Variants in WDHD1 observed in about 807,000 individuals in gnomAD.
WDHD1 encodes the protein WD repeat and HMG-box DNA-binding protein 1.
A neutral mutation model predicts 135.4 loss-of-function variants in WDHD1; 111 were observed. The observed-to-expected ratio is 0.82, with a 90% CI of 0.70 to 0.96. The LOEUF is 0.96. Among genes scored for constraint, WDHD1 ranks in the 40% least tolerant of loss-of-function variants. The pLI, the probability that WDHD1 is intolerant of heterozygous loss-of-function variation, is 0.00. For synonymous variants in WDHD1, 434 were observed against 439.0 expected, an observed-to-expected ratio of 0.99 and a Z score of 0.14; for missense variants, 1,351 against 1,336.3, an observed-to-expected ratio of 1.01 and a Z score of -0.17.
chr14:54,991,069 C>A, intron 12 of WDHD1, 144 bp downstream of exon 12: 2 of 507,812 alleles, frequency 3.9e-6, no homozygotes, highest in South Asian at 4.2e-5. Context: ...TAAAATAAAC[C>A]AACCACAAAA....
At position 54,957,064 on chromosome 14, in the gene WDHD1, CT is replaced by C; in HGVS notation, c.2885del (p.Lys962SerfsTer3). Reference protein sequence around the residue: ...TTNNEKSPIIKPLIPKPKPKQ... With the variant: ...TTNNEKSPIIXPLIPKPKPKQ... ...TAGGCTTCGGCTTTGGAATCAGAGG[CT>C]TTATAATGGGAGACTTTTCATTATT... On this transcript the variant is annotated frameshift_variant, in exon 23 of 26. Transcript: ENST00000360586. LOFTEE classifies it high-confidence loss of function. The C allele has an allele frequency of 6.2e-7, 1 of 1,614,008 alleles. No homozygotes were observed. The highest frequency in any genetic ancestry group is 1.1e-5 in the South Asian group (1 of 91,036).
chr14:55,016,070 G>C (rs1449879687), intron 2 of WDHD1, among the ~76,000 whole-genome samples: 1 of 152,226 alleles, frequency 6.6e-6, no homozygotes, highest in African/African-American at 2.4e-5. Flanking sequence ...CAGTTGGTGG[G>C]ACCAATGGAA....
At position 55,021,011 on chromosome 14, in the gene WDHD1, G is replaced by A. The variant is rs554821178; in HGVS notation, c.77+5700C>T. Among the ~76,000 whole-genome samples, 7 of 152,248 alleles carry A rather than the reference G, an allele frequency of 4.6e-5. No individual in the cohort carries two copies. In the South Asian group the frequency reaches 1.0e-3, roughly 23 times the overall value. Reference sequence around the variant, plus strand: ...CTGACGGGGAACACGAAGAGGAGTTGGTCTTACTGTCTCAGAGGTGGAAGA... The same window carrying A: ...CTGACGGGGAACACGAAGAGGAGTTAGTCTTACTGTCTCAGAGGTGGAAGA... On this transcript the variant is annotated intron_variant, in intron 2 of 25. Coordinates refer to ENST00000360586, the MANE Select transcript of WDHD1 (RefSeq NM_007086.4).
intron 14 of WDHD1, among the ~76,000 whole-genome samples, chr14:54,986,562 A>G (rs895337280): frequency 6.6e-6 from 1 of 152,202 alleles, no homozygotes; most frequent in African/African-American, 2.4e-5. Flanking sequence ...GTAGTAGAGA[A>G]AAAGGGGATA....
chr14:55,013,935 T>A (rs945874711), intron 2 of WDHD1, among the ~76,000 whole-genome samples: 1 of 152,136 alleles, frequency 6.6e-6, no homozygotes, highest in African/African-American at 2.4e-5. Flanking sequence ...CCTAGTTTCA[T>A]ATACATTAGT....
chr14:55,008,227 G>T, intron 6 of WDHD1, 89 bp downstream of exon 6: 1 of 1,276,192 alleles, frequency 7.8e-7, no homozygotes, highest in Non-Finnish European at 1.1e-6. Flanking sequence ...CCAAAGAAAA[G>T]CAATTATTAA....
intron 14 of WDHD1, among the ~76,000 whole-genome samples, chr14:54,985,296 C>T (rs1055289016): frequency 6.6e-6 from 1 of 152,152 alleles, no homozygotes; most frequent in African/African-American, 2.4e-5. Flanking sequence ...TCAGAAGTGA[C>T]CTCTCAGAAA....
At chr14:54,944,552 A>G (rs372982422) in intron 24 of WDHD1, 82 bp from the exon 25 acceptor site, 2 of 1,355,158 alleles carry the variant, frequency 1.5e-6, no homozygotes, top group Non-Finnish European at 2.0e-6. Flanking sequence ...GTAATCAACC[A>G]TAAGTCTCTG....
At chr14:55,012,071 A>G (rs2042179969) in intron 3 of WDHD1, among the ~76,000 whole-genome samples, 1 of 152,008 alleles carries the variant, frequency 6.6e-6, no homozygotes, top group Non-Finnish European at 1.5e-5. Context: ...AGCCCTCACT[A>G]TTACTGGGAT....
At chr14:54,986,431 G>A (rs1268909967) in intron 14 of WDHD1, among the ~76,000 whole-genome samples, 1 of 152,112 alleles carries the variant, frequency 6.6e-6, no homozygotes, top group African/African-American at 2.4e-5. Context: ...GCCTCCCAAA[G>A]TGCTGAGATT....
At chr14:54,996,752 T>C (rs1471206975) in intron 10 of WDHD1, among the ~76,000 whole-genome samples, 1 of 152,126 alleles carries the variant, frequency 6.6e-6, no homozygotes, top group Non-Finnish European at 1.5e-5. Flanking sequence ...AGAACACCAT[T>C]AACAGATTAA....
intron 24 of WDHD1, among the ~76,000 whole-genome samples, chr14:54,951,334 G>T (rs1193788870): frequency 6.6e-6 from 1 of 152,084 alleles, no homozygotes; most frequent in African/African-American, 2.4e-5. Context: ...TGATCCCACA[G>T]AAATACAAAC....
At chr14:54,997,161 T>C (rs923185471) in intron 10 of WDHD1, among the ~76,000 whole-genome samples, 4 of 148,252 alleles carry the variant, frequency 2.7e-5, no homozygotes, top group Non-Finnish European at 4.4e-5. Flanking sequence ...AGTGGCGTGA[T>C]CTTGGCTCAC....
At chr14:55,025,100 T>C (rs1468541447) in intron 2 of WDHD1, among the ~76,000 whole-genome samples, 1 of 107,312 alleles carries the variant, frequency 9.3e-6, no homozygotes, top group Non-Finnish European at 2.0e-5. Flanking sequence ...TCTACTGAGA[T>C]AGGGAAAAAC....
Position 54,950,273 on chromosome 14 carries a change from A to G in WDHD1, c.3050+5288T>C, listed in dbSNP as rs534700037. Among the ~76,000 whole-genome samples the G allele has an allele frequency of 1.1e-4, 16 of 152,300 alleles. No individual in the cohort carries two copies. The South Asian group carries it at 2.7e-3, about 26-fold the overall frequency. ...CATGTCATGTGCAGAGACACACATA[A>G]GCTCAAAATAAAGGGATGGAGGAAG... On this transcript the variant is annotated intron_variant, in intron 24 of 25. Transcript: ENST00000360586.
chr14:54,967,784 C>A (rs1452168938), intron 16 of WDHD1, among the ~76,000 whole-genome samples: 3 of 152,084 alleles, frequency 2.0e-5, no homozygotes, highest in Non-Finnish European at 4.4e-5. Flanking sequence ...CCATGCCTGG[C>A]TAACTTTTGT....
chr14:54,972,361 T>C (rs2041450176), intron 16 of WDHD1, among the ~76,000 whole-genome samples: 1 of 151,110 alleles, frequency 6.6e-6, no homozygotes, highest in Non-Finnish European at 1.5e-5. Flanking sequence ...GCAGATCACT[T>C]GAGGCCAGGA....
chr14:55,010,333 C>A lies in WDHD1; in HGVS notation c.317G>T (p.Gly106Val). The stretch of plus-strand genomic sequence containing the variant: ...CCTAGATCCAGCAGCAATTTTAGTA[C>A]CATCCCCATTAAAGACCACATGGTT... ...NANHVVFNGD[G>V]TKIAAGSSDF... Residue 106 changes from glycine to valine, a missense_variant, in exon 4 of 26, where the codon GGT becomes GTT. By Grantham distance (109) the Gly-to-Val change is moderately radical. Transcript: ENST00000360586. 6.2e-7 allele frequency: 1 copy of A among 1,606,796 alleles called. No individual in the cohort carries two copies. The highest frequency in any genetic ancestry group is 1.1e-5 in the South Asian group (1 of 89,112).
chr14:54,986,395 TG>T (rs1347632139), intron 14 of WDHD1, among the ~76,000 whole-genome samples: 1 of 152,172 alleles, frequency 6.6e-6, no homozygotes, highest in Non-Finnish European at 1.5e-5. Flanking sequence ...ATTGAACTCC[TG>T]GGCTAAAGCA....
Sources: gnomAD v4.1 joint callset for allele counts (sites outside exome capture counted in the v4.1 genomes callset) on GRCh38, gnomAD v4.1.1 for gene constraint, MANE v1.5 for transcripts, NCBI Gene and HGNC (gene_info 2026-07-23, HGNC 2026-07-21) for gene names.